The following TMEM178B variants were observed in gnomAD, a reference collection of about 807,000 sequenced individuals.
The protein encoded by TMEM178B is transmembrane protein 178B.
Under a neutral mutation model 31.0 loss-of-function variants are expected in TMEM178B, and 5 were observed. The observed-to-expected ratio is 0.16, with a 90% CI of 0.08 to 0.34. The LOEUF is 0.34. TMEM178B is among the 10% of genes least tolerant of loss of function. The pLI is 1.00. For synonymous variants in TMEM178B, 164 were observed against 164.0 expected, an observed-to-expected ratio of 1.00 and a Z score of 0.00; for missense variants, 275 against 400.3, an observed-to-expected ratio of 0.69 and a Z score of 2.67.
At chr7:141,096,222 A>G (rs1453454565) in intron 1 of TMEM178B, among the ~76,000 whole-genome samples, 1 of 152,242 alleles carries the variant, frequency 6.6e-6, no homozygotes, top group Non-Finnish European at 1.5e-5. Context: ...CCCACTGAAC[A>G]GACAGTGCCT....
At position 141,477,849 on chromosome 7, in the gene TMEM178B, G is replaced by C. The variant is rs531835358; in HGVS notation, c.*7063G>C. On this transcript the variant is annotated 3_prime_UTR_variant, in exon 4 of 4. Transcript: ENST00000565468. ...CTTTCGCCCCTCAGAAAGTGACCTT[G>C]AGCTAGCAGCCAGTTTGCACTCAGA... is the stretch of plus-strand genomic sequence containing the variant. The C allele has an allele frequency of 6.6e-6, 1 of 152,312 alleles. No homozygotes were observed. The highest frequency in any genetic ancestry group is 2.1e-4 in the South Asian group (1 of 4,820). 9.4% of individuals were successfully genotyped at this position (152,312 alleles called of 1,614,324 possible). A position where few individuals can be genotyped will look rare whatever the true frequency, so the allele number is the denominator to read the frequency against.
chr7:141,242,878 C>T (rs574676309), intron 2 of TMEM178B, among the ~76,000 whole-genome samples: 4 of 152,222 alleles, frequency 2.6e-5, no homozygotes, highest in South Asian at 4.1e-4. Flanking sequence ...TGCTGTCTCT[C>T]TGCCTTTGAG....
In TMEM178B at chr7:141,458,846, G is replaced by A. The variant is rs139271924; in HGVS notation, c.635-11690G>A. Among the ~76,000 whole-genome samples the A allele has an allele frequency of 2.6e-3, 390 of 152,286 alleles. 6 individuals carry two copies. Among genetic ancestry groups the A allele is most frequent in the African/African-American group, 8.8e-3 (367 of 41,550 alleles). ...GTCCATTGAAACACAAGGTGTGTAC[G>A]TGCATGGGTGCATGCACCTGTGCGC... On this transcript the variant is annotated intron_variant, in intron 3 of 3. Transcript: ENST00000565468.
intron 2 of TMEM178B, among the ~76,000 whole-genome samples, chr7:141,252,982 A>G (rs1238723505): frequency 6.6e-6 from 1 of 152,194 alleles, no homozygotes; most frequent in African/African-American, 2.4e-5. Context: ...ATTGGGAGGC[A>G]CCACCAGAAA....
At chr7:141,305,933 C>T (rs1391678015) in intron 2 of TMEM178B, among the ~76,000 whole-genome samples, 1 of 152,134 alleles carries the variant, frequency 6.6e-6, no homozygotes, top group African/African-American at 2.4e-5. Flanking sequence ...CCATTGCACT[C>T]CTCATTTTCT....
intron 2 of TMEM178B, among the ~76,000 whole-genome samples, chr7:141,274,089 T>C (rs1404563925): frequency 6.6e-6 from 1 of 152,242 alleles, no homozygotes; most frequent in African/African-American, 2.4e-5. Flanking sequence ...TCTGCTCAAA[T>C]GTCACGTCTT....
chr7:141,096,588 C>A (rs1348337372), intron 1 of TMEM178B, among the ~76,000 whole-genome samples: 1 of 152,186 alleles, frequency 6.6e-6, no homozygotes, highest in Non-Finnish European at 1.5e-5. Context: ...TGTGGAGGTT[C>A]CTAGAAGGCG....
At chr7:141,285,717 G>A (rs1798438068) in intron 2 of TMEM178B, among the ~76,000 whole-genome samples, 1 of 152,102 alleles carries the variant, frequency 6.6e-6, no homozygotes, top group African/African-American at 2.4e-5. Context: ...TGATAGATTG[G>A]ATAAAGAAAA....
At chr7:141,385,424 A>G (rs1357752714) in intron 2 of TMEM178B, among the ~76,000 whole-genome samples, 1 of 152,232 alleles carries the variant, frequency 6.6e-6, no homozygotes, top group Non-Finnish European at 1.5e-5. Flanking sequence ...GGGATAGTCC[A>G]CACAACCCAG....
chr7:141,250,679 A>T (rs1797816947), intron 2 of TMEM178B, among the ~76,000 whole-genome samples: 1 of 152,124 alleles, frequency 6.6e-6, no homozygotes, highest in Non-Finnish European at 1.5e-5. Flanking sequence ...CCATAGCAAG[A>T]GGCTCCTGCT....
intron 2 of TMEM178B, among the ~76,000 whole-genome samples, chr7:141,281,131 G>C (rs550078170): frequency 6.6e-6 from 1 of 151,970 alleles, no homozygotes; most frequent in East Asian, 1.9e-4. Flanking sequence ...CCCTGTTACC[G>C]GAGAGCCTGT....
chr7:141,279,303 A>G (rs143608856), intron 2 of TMEM178B, among the ~76,000 whole-genome samples: 1 of 152,320 alleles, frequency 6.6e-6, no homozygotes, highest in African/African-American at 2.4e-5. Context: ...TGTGTGTTTC[A>G]GGTGCTTTTC....
intron 3 of TMEM178B, among the ~76,000 whole-genome samples, chr7:141,468,382 T>C (rs913477088): frequency 2.6e-5 from 4 of 152,142 alleles, no homozygotes; most frequent in Admixed American, 6.5e-5. Flanking sequence ...ATCTGGAACC[T>C]AGGTGTGAAA....
At chr7:141,075,895 T>C (rs1794593321) in intron 1 of TMEM178B, among the ~76,000 whole-genome samples, 1 of 152,198 alleles carries the variant, frequency 6.6e-6, no homozygotes, top group Non-Finnish European at 1.5e-5. Context: ...AAGTGTGCAA[T>C]TGATCAGAAA....
chr7:141,253,742 G>A lies in TMEM178B; in HGVS notation c.496+41038G>A, dbSNP rs927556093. 4.0e-5 allele frequency among the ~76,000 whole-genome samples: 6 copies of A among 151,884 alleles called. 1 individual carries two copies. Among genetic ancestry groups the A allele is most frequent in the Admixed American group, 2.0e-4 (3 of 15,250 alleles). On this transcript the variant is annotated intron_variant, in intron 2 of 3. Coordinates refer to ENST00000565468, the MANE Select transcript of TMEM178B (RefSeq NM_001195278.2). ...AATTTTGGTATTTTTAGTAGAGACG[G>A]GGTTTCACCATGTTGGCCAGGCTGG...
the TMEM178B span, among the ~76,000 whole-genome samples, chr7:141,496,323 T>C: frequency 6.6e-6 from 1 of 152,202 alleles, no homozygotes; most frequent in Admixed American, 6.5e-5. Context: ...GAACCTGGTA[T>C]GTGATCCATA....
At chr7:141,231,734 G>A (rs1438445896) in intron 2 of TMEM178B, among the ~76,000 whole-genome samples, 3 of 152,188 alleles carry the variant, frequency 2.0e-5, no homozygotes, top group African/African-American at 7.2e-5. Flanking sequence ...AACTAGCTGG[G>A]CTTCAGATAA....
At chr7:141,185,035 A>G (rs1389658414) in intron 1 of TMEM178B, among the ~76,000 whole-genome samples, 3 of 152,312 alleles carry the variant, frequency 2.0e-5, no homozygotes, top group Non-Finnish European at 2.9e-5. Flanking sequence ...CACCCCTCGC[A>G]GGATGTGCGA....
chr7:141,284,008 C>T (rs1473464350), intron 2 of TMEM178B, among the ~76,000 whole-genome samples: 2 of 152,172 alleles, frequency 1.3e-5, no homozygotes, highest in East Asian at 1.9e-4. Context: ...CTCCTTCAGC[C>T]GAATCATGCA....
Sources: gnomAD v4.1 joint callset for allele counts (sites outside exome capture counted in the v4.1 genomes callset) on GRCh38, gnomAD v4.1.1 for gene constraint, MANE v1.5 for transcripts, NCBI Gene and HGNC (gene_info 2026-07-23, HGNC 2026-07-21) for gene names.